The following ZNF248 variants were observed in gnomAD, a reference collection of about 807,000 sequenced individuals.
ZNF248 encodes the protein zinc finger protein 248, also known as KRAB protein domain.
In ZNF248, 20 loss-of-function variants were observed where a neutral mutation model predicts 44.3. The observed-to-expected ratio is 0.45, with a 90% CI of 0.32 to 0.66. ZNF248 has a LOEUF of 0.66. Among genes scored for constraint, ZNF248 ranks in the 30% least tolerant of loss-of-function variants. The pLI, the probability that ZNF248 is intolerant of heterozygous loss-of-function variation, is 0.04. For missense variants in ZNF248, 654 were observed against 677.0 expected (o/e 0.97, Z 0.38); for synonymous variants, 224 against 229.0 (o/e 0.98, Z 0.20).
intron 5 of ZNF248, among the ~76,000 whole-genome samples, chr10:37,834,302 T>C (rs1589673075): frequency 6.6e-6 from 1 of 152,126 alleles, no homozygotes; most frequent in Non-Finnish European, 1.5e-5. Flanking sequence ...ATCGCCCCTA[T>C]TGTGACCAGA....
intron 6 of ZNF248, among the ~76,000 whole-genome samples, chr10:37,798,548 C>A (rs754932338): frequency 1.3e-5 from 2 of 152,014 alleles, no homozygotes; most frequent in Admixed American, 6.6e-5. Context: ...ATATAGTGTT[C>A]TATCCTTTGT....
At chr10:37,768,336 C>T in the ZNF248 span, among the ~76,000 whole-genome samples, 1 of 152,064 alleles carries the variant, frequency 6.6e-6, no homozygotes, top group Non-Finnish European at 1.5e-5. Flanking sequence ...TGTCTCAGCA[C>T]CACACCTATT....
At chr10:37,792,186 A>G (rs933762767) in intron 6 of ZNF248, among the ~76,000 whole-genome samples, 4 of 152,188 alleles carry the variant, frequency 2.6e-5, no homozygotes, top group Non-Finnish European at 4.4e-5. Context: ...CTGCCAAGAC[A>G]CAGGTCAGCC....
At chr10:37,820,805 T>C in intron 6 of ZNF248, 1 of 1,185,468 alleles carries the variant, frequency 8.4e-7, no homozygotes, top group Non-Finnish European at 1.3e-6. Flanking sequence ...TTTTGCCTTT[T>C]GTTTCCTGAT....
At chr10:37,775,178 T>A (rs763977320), downstream of ZNF248, among the ~76,000 whole-genome samples, 17 of 152,306 alleles carry the variant, frequency 1.1e-4, no homozygotes, top group Non-Finnish European at 2.1e-4. Flanking sequence ...CAATGTATAA[T>A]ATATACACAC....
At chr10:37,843,758 T>C (rs2058770938) in intron 3 of ZNF248, among the ~76,000 whole-genome samples, 1 of 152,022 alleles carries the variant, frequency 6.6e-6, no homozygotes, top group Admixed American at 6.6e-5. Context: ...AAAAGTAAAA[T>C]GACCGAAATT....
At chr10:37,772,656 A>C (rs1588906336), downstream of ZNF248, among the ~76,000 whole-genome samples, 1 of 152,330 alleles carries the variant, frequency 6.6e-6, no homozygotes, top group Non-Finnish European at 1.5e-5. Context: ...CAGTGGTCTA[A>C]CACCACAGTA....
chr10:37,781,057 G>A (rs1317780706), intron 6 of ZNF248, among the ~76,000 whole-genome samples: 1 of 152,138 alleles, frequency 6.6e-6, no homozygotes, highest in Non-Finnish European at 1.5e-5. Context: ...AATGTACTGG[G>A]TTTAATAGTG....
At chr10:37,836,320 G>A (rs1242208007) in intron 5 of ZNF248, among the ~76,000 whole-genome samples, 1 of 152,090 alleles carries the variant, frequency 6.6e-6, no homozygotes, top group Non-Finnish European at 1.5e-5. Context: ...GATGACTTAA[G>A]CTGATTTACA....
At chr10:37,836,258 A>G (rs1381517787) in intron 5 of ZNF248, among the ~76,000 whole-genome samples, 1 of 152,190 alleles carries the variant, frequency 6.6e-6, no homozygotes, top group Non-Finnish European at 1.5e-5. Context: ...CCACCACAGT[A>G]TATACACTGC....
At chr10:37,790,478 G>A (rs1248885612) in intron 6 of ZNF248, among the ~76,000 whole-genome samples, 3 of 151,912 alleles carry the variant, frequency 2.0e-5, no homozygotes, top group Non-Finnish European at 2.9e-5. Flanking sequence ...TTAGGAGGCT[G>A]AGACGGGCAG....
intron 3 of ZNF248, among the ~76,000 whole-genome samples, chr10:37,852,495 G>T (rs1488429331): frequency 6.6e-6 from 1 of 151,952 alleles, no homozygotes; most frequent in Non-Finnish European, 1.5e-5. Flanking sequence ...GGGAATGACA[G>T]GGCCAGGATG....
chr10:37,799,042 A>G (rs1047677178), intron 6 of ZNF248, among the ~76,000 whole-genome samples: 9 of 152,082 alleles, frequency 5.9e-5, no homozygotes, highest in African/African-American at 2.2e-4. Context: ...GAAAATGCCA[A>G]CCCTGTATGT....
chr10:37,828,363 T>A (rs980450364), downstream of ZNF248, among the ~76,000 whole-genome samples: 1 of 152,216 alleles, frequency 6.6e-6, no homozygotes, highest in African/African-American at 2.4e-5. Context: ...ATCATAGCCA[T>A]CTTCTTTTCT....
rs758437287 is a variant in ZNF248, at chr10:37,797,647, A to G, written c.331-21072T>C. On this transcript the variant is annotated intron_variant, in intron 6 of 6. Coordinates refer to the ZNF248 transcript ENST00000615949. ...CCCAATTAAAAAGCAGGCAAAGGATATGAATAGAAATTTCTCAAAAGAAGA... is the reference window on the plus strand; with the variant it reads ...CCCAATTAAAAAGCAGGCAAAGGATGTGAATAGAAATTTCTCAAAAGAAGA... Among the ~76,000 whole-genome samples the G allele has an allele frequency of 5.9e-5, 9 of 152,158 alleles. No individual in the cohort carries two copies. In the South Asian group the frequency reaches 1.7e-3, roughly 28 times the overall value.
intron 3 of ZNF248, among the ~76,000 whole-genome samples, chr10:37,843,081 A>ATAAAT (rs1279802671): frequency 6.6e-6 from 1 of 152,226 alleles, no homozygotes; most frequent in Admixed American, 6.5e-5. Flanking sequence ...CTGTAAAAAC[A>ATAAAT]TTAGCTGAAA....
At chr10:37,761,266 C>T in the ZNF248 span, among the ~76,000 whole-genome samples, 1 of 152,204 alleles carries the variant, frequency 6.6e-6, no homozygotes, top group Non-Finnish European at 1.5e-5. Context: ...TCTGGAATAT[C>T]TGCCATCCCT....
At chr10:37,842,115 CTG>C (rs1281398365) in intron 3 of ZNF248, among the ~76,000 whole-genome samples, 1 of 152,098 alleles carries the variant, frequency 6.6e-6, no homozygotes, top group Non-Finnish European at 1.5e-5. Context: ...GTTAATGAAA[CTG>C]TGTCTATGGG....
rs930353804 is a variant in ZNF248, at chr10:37,843,734, G to C, written c.16-5623C>G. 5.9e-5 allele frequency among the ~76,000 whole-genome samples: 9 copies of C among 152,114 alleles called. 1 individual carries two copies. The highest frequency in any genetic ancestry group is 1.3e-4 in the Non-Finnish European group (9 of 68,006). ...GGAAATTGTAAAAAGAAACCAAGTA[G>C]GAATCTAAAGCTGAAAAGTAAAATG... On this transcript the variant is annotated intron_variant, in intron 3 of 5. Coordinates refer to ENST00000395867, the MANE Select transcript of ZNF248 (RefSeq NM_021045.3).
Sources: gnomAD v4.1 joint callset for allele counts (sites outside exome capture counted in the v4.1 genomes callset) on GRCh38, gnomAD v4.1.1 for gene constraint, MANE v1.5 for transcripts, NCBI Gene and HGNC (gene_info 2026-07-23, HGNC 2026-07-21) for gene names.